FTO: variants seen among roughly 807,000 people sequenced by gnomAD.
FTO encodes FTO alpha-ketoglutarate dependent dioxygenase.
FTO carries 47 observed loss-of-function variants against 63.9 expected under a neutral mutation model. The observed-to-expected ratio is 0.74, with a 90% CI of 0.58 to 0.94. FTO has a LOEUF of 0.94. Among genes scored for constraint, FTO ranks in the 40% least tolerant of loss-of-function variants. The pLI is 0.00. For missense variants in FTO, 562 were observed against 618.1 expected (o/e 0.91, Z 0.96); for synonymous variants, 207 against 224.4 (o/e 0.92, Z 0.69).
intron 8 of FTO, chr16:54,071,730 A>C (rs749545255): frequency 6.6e-6 from 1 of 152,150 alleles, no homozygotes; most frequent in Non-Finnish European, 1.5e-5. Flanking sequence ...TCACAGATTG[A>C]TGTCTCTTTA....
At chr16:53,789,686 T>G (rs554698818) in intron 1 of FTO, among the ~76,000 whole-genome samples, 1 of 151,870 alleles carries the variant, frequency 6.6e-6, no homozygotes, top group African/African-American at 2.4e-5. Flanking sequence ...TTGTACCTGG[T>G]TTTTTATTTT....
At chr16:53,925,095 G>T (rs1323716161) in intron 7 of FTO, among the ~76,000 whole-genome samples, 1 of 149,622 alleles carries the variant, frequency 6.7e-6, no homozygotes, top group African/African-American at 2.5e-5. Context: ...AGGAAGGAGA[G>T]AAAAAAAGTG....
At chr16:53,928,594 T>C (rs1256177277) in intron 7 of FTO, among the ~76,000 whole-genome samples, 1 of 151,924 alleles carries the variant, frequency 6.6e-6, no homozygotes, top group Non-Finnish European at 1.5e-5. Flanking sequence ...AGTTCACCCT[T>C]CCTTTTCTAA....
At chr16:53,846,386 G>A (rs1598812098) in intron 4 of FTO, among the ~76,000 whole-genome samples, 1 of 152,196 alleles carries the variant, frequency 6.6e-6, no homozygotes, top group Non-Finnish European at 1.5e-5. Flanking sequence ...ATAGATGTTA[G>A]TATCAGCCAG....
intron 8 of FTO, among the ~76,000 whole-genome samples, chr16:54,081,929 G>A (rs2086155758): frequency 1.3e-5 from 2 of 152,148 alleles, no homozygotes; most frequent in African/African-American, 2.4e-5. Flanking sequence ...AAGTGAGTTC[G>A]TTCAACAGGC....
At chr16:53,986,227 A>G (rs2083664022) in intron 8 of FTO, among the ~76,000 whole-genome samples, 1 of 152,190 alleles carries the variant, frequency 6.6e-6, no homozygotes, top group Non-Finnish European at 1.5e-5. Flanking sequence ...AAACGCCTGA[A>G]ATTCACTGTA....
At chr16:54,107,675 C>T (rs553728389) in intron 8 of FTO, among the ~76,000 whole-genome samples, 7 of 152,196 alleles carry the variant, frequency 4.6e-5, no homozygotes, top group African/African-American at 1.2e-4. Flanking sequence ...GAAGCATGGC[C>T]GGCATATCAG....
chr16:53,826,221 G>A lies in FTO; in HGVS notation c.481G>A (p.Glu161Lys). ...GGCTTTGGAAGAACTTGCTGCCAAAGAGAAGGCTAATGAGGATGCTGTGCC... is the reference window on the plus strand; with the variant it reads ...GGCTTTGGAAGAACTTGCTGCCAAAAAGAAGGCTAATGAGGATGCTGTGCC... ...IQALEELAAK[E>K]KANEDAVPLC... is the part of the protein sequence containing the mutation. The change falls in exon 3 of 9, where the codon GAG (glutamate) becomes AAG (lysine). Residue 161 changes from glutamate to lysine, a missense_variant. Glu to Lys is a moderately conservative substitution (Grantham distance 56). Coordinates refer to ENST00000471389, the MANE Select transcript of FTO (RefSeq NM_001080432.3). The A allele has an allele frequency of 1.2e-6, 2 of 1,614,232 alleles. No homozygotes were observed. Among genetic ancestry groups the A allele is most frequent in the Middle Eastern group, 1.6e-4 (1 of 6,062 alleles).
intron 1 of FTO, among the ~76,000 whole-genome samples, chr16:53,780,536 G>A (rs564284195): frequency 1.3e-5 from 2 of 152,202 alleles, no homozygotes; most frequent in South Asian, 4.1e-4. Context: ...CTGGGTTCAA[G>A]CGATTTTCCC....
chr16:53,752,307 T>TA (rs1376725246), intron 1 of FTO, among the ~76,000 whole-genome samples: 7 of 152,092 alleles, frequency 4.6e-5, no homozygotes, highest in African/African-American at 1.7e-4. Context: ...GATCTAGTAA[T>TA]AGGAGAGGGA....
At chr16:54,074,292 T>TTAGCATG (rs1427924878) in intron 8 of FTO, among the ~76,000 whole-genome samples, 1 of 152,190 alleles carries the variant, frequency 6.6e-6, no homozygotes, top group Non-Finnish European at 1.5e-5. Context: ...ATGTTTTAAA[T>TTAGCATG]TAGCATGTAA....
intron 8 of FTO, among the ~76,000 whole-genome samples, chr16:54,060,551 G>T (rs879886438): frequency 6.6e-6 from 1 of 152,192 alleles, no homozygotes; most frequent in Non-Finnish European, 1.5e-5. Flanking sequence ...GCTGGGATTT[G>T]AATCCAATCA....
intron 8 of FTO, among the ~76,000 whole-genome samples, chr16:53,987,387 C>T (rs1430527656): frequency 6.6e-6 from 1 of 151,780 alleles, no homozygotes; most frequent in Non-Finnish European, 1.5e-5. Context: ...TCAAGATCAG[C>T]CTAGCCAATG....
intron 1 of FTO, among the ~76,000 whole-genome samples, chr16:53,727,915 T>G (rs2076187018): frequency 6.6e-6 from 1 of 152,168 alleles, no homozygotes; most frequent in Non-Finnish European, 1.5e-5. Flanking sequence ...TATCCTTTTC[T>G]TTTACATCCA....
chr16:54,074,915 A>T (rs3859089), intron 8 of FTO, among the ~76,000 whole-genome samples: 42,351 of 125,324 alleles, frequency 0.34, 7,239 homozygotes, highest in African/African-American at 0.55. Flanking sequence ...AGAGAGAGAG[A>T]GAGTGTGTGT....
chr16:54,008,196 T>C (rs1242275579), intron 8 of FTO, among the ~76,000 whole-genome samples: 1 of 152,182 alleles, frequency 6.6e-6, no homozygotes, highest in Non-Finnish European at 1.5e-5. Flanking sequence ...ATCCAGTGAG[T>C]ATTTGAGGGC....
chr16:53,940,244 G>A (rs1599041977), intron 8 of FTO, among the ~76,000 whole-genome samples: 1 of 152,120 alleles, frequency 6.6e-6, no homozygotes, highest in East Asian at 1.9e-4. Context: ...ATGGTGTCGA[G>A]CATCTTTTCC....
In FTO at chr16:53,810,233, A is replaced by AT; in HGVS notation, c.123+21dup. ...CTATCAGCAGGTAAGGTATTTTAAT[A>AT]TTTTTATCAGTTTCAGTGATGTGTT... On this transcript the variant is annotated intron_variant, in intron 2 of 8. Transcript: ENST00000471389. 1 of 1,547,642 alleles carries AT rather than the reference A, an allele frequency of 6.5e-7. No individual in the cohort carries two copies. Among genetic ancestry groups the AT allele is most frequent in the Non-Finnish European group, 8.9e-7 (1 of 1,120,298 alleles).
rs1213617272 is a variant in FTO, at chr16:54,121,605, A to C, written c.*9690A>C. 1 of 152,152 alleles carries C rather than the reference A, an allele frequency of 6.6e-6. No homozygotes were observed. Among genetic ancestry groups the C allele is most frequent in the Non-Finnish European group, 1.5e-5 (1 of 68,036 alleles). The allele number at this position is 152,152 out of a possible 1,614,324, so 9.4% of individuals were successfully genotyped here. A position where few individuals can be genotyped will look rare whatever the true frequency, so the allele number is the denominator to read the frequency against. ...CGAGCCTGATCTTTTCTCCGCTAGA[A>C]CTGCTCAACAGGTGAAGAATCTTTT... On this transcript the variant is annotated 3_prime_UTR_variant, in exon 9 of 9. Coordinates refer to ENST00000471389, the MANE Select transcript of FTO (RefSeq NM_001080432.3).
Sources: gnomAD v4.1 joint callset for allele counts (sites outside exome capture counted in the v4.1 genomes callset) on GRCh38, gnomAD v4.1.1 for gene constraint, MANE v1.5 for transcripts, NCBI Gene and HGNC (gene_info 2026-07-23, HGNC 2026-07-21) for gene names.